NTM: variants seen among roughly 807,000 people sequenced by gnomAD.
NTM encodes the protein neurotrimin, also known as IgLON family member 2.
In NTM, 13 loss-of-function variants were observed where a neutral mutation model predicts 42.1. That is an observed-to-expected ratio of 0.31 (90% CI 0.20 to 0.49). NTM has a LOEUF of 0.49. Ranked by LOEUF, NTM falls within the 20% of genes least tolerant of loss-of-function variation. NTM has a pLI of 0.99. For synonymous variants in NTM, 187 were observed against 179.2 expected (o/e 1.04, Z -0.35); for missense variants, 373 against 452.8 (o/e 0.82, Z 1.60).
At chr11:132,037,294 G>C (rs2076624766) in intron 2 of NTM, among the ~76,000 whole-genome samples, 1 of 152,058 alleles carries the variant, frequency 6.6e-6, no homozygotes, top group Admixed American at 6.6e-5. Context: ...TGTGATTTCT[G>C]CACATGCCGG....
At chr11:132,311,448 G>C (rs1396027926) in intron 6 of NTM, among the ~76,000 whole-genome samples, 1 of 152,098 alleles carries the variant, frequency 6.6e-6, no homozygotes, top group Non-Finnish European at 1.5e-5. Context: ...ACACAAAGGG[G>C]AAAAACAAAC....
intron 2 of NTM, among the ~76,000 whole-genome samples, chr11:132,018,505 AT>A (rs2135495553): frequency 6.6e-6 from 1 of 152,036 alleles, no homozygotes; most frequent in East Asian, 1.9e-4. Context: ...GCTTTAAAAA[AT>A]TTATTATATA....
intron 1 of NTM, among the ~76,000 whole-genome samples, chr11:131,388,607 A>T (rs146816192): frequency 2.0e-5 from 3 of 152,116 alleles, no homozygotes; most frequent in Admixed American, 2.0e-4. Context: ...TTTAATAGGA[A>T]TGTGTATGAG....
In NTM at chr11:131,434,043, C is replaced by T. The variant is rs189913362; in HGVS notation, c.82+63155C>T. Among the ~76,000 whole-genome samples the T allele has an allele frequency of 9.0e-4, 137 of 152,154 alleles. 1 individual carries two copies. The Middle Eastern group carries it at 0.02, about 23-fold the overall frequency. On this transcript the variant is annotated intron_variant, in intron 1 of 8. Coordinates refer to ENST00000683400, the MANE Select transcript of NTM (RefSeq NM_001352005.2). Reference sequence around the variant, plus strand: ...GTTCCCACCTATGAGTGAGAACATGCGGTGTTTGGTTTTCTGTCCTTGTGA... The same window carrying T: ...GTTCCCACCTATGAGTGAGAACATGTGGTGTTTGGTTTTCTGTCCTTGTGA...
At chr11:131,529,038 C>G (rs2050882065) in intron 1 of NTM, among the ~76,000 whole-genome samples, 1 of 152,236 alleles carries the variant, frequency 6.6e-6, no homozygotes, top group South Asian at 2.1e-4. Context: ...AGTATCGCTT[C>G]AGCACACTTC....
intron 2 of NTM, among the ~76,000 whole-genome samples, chr11:132,045,136 C>T (rs2077809383): frequency 6.6e-6 from 1 of 152,132 alleles, no homozygotes; most frequent in Non-Finnish European, 1.5e-5. Context: ...TCAGTAACAG[C>T]GTTAGTGTTT....
At chr11:131,797,073 A>T (rs1372992119) in intron 1 of NTM, among the ~76,000 whole-genome samples, 1 of 152,250 alleles carries the variant, frequency 6.6e-6, no homozygotes, top group Non-Finnish European at 1.5e-5. Context: ...TTCTAATTTA[A>T]TGCTTTTTAG....
At chr11:131,402,408 A>C (rs1027167814) in intron 1 of NTM, among the ~76,000 whole-genome samples, 20 of 151,758 alleles carry the variant, frequency 1.3e-4, no homozygotes, top group Admixed American at 7.9e-4. Context: ...AAAAAAAAAA[A>C]ACAAATATTG....
At chr11:131,757,452 A>G (rs138256500) in intron 1 of NTM, among the ~76,000 whole-genome samples, 15 of 152,298 alleles carry the variant, frequency 9.8e-5, no homozygotes, top group African/African-American at 3.1e-4. Flanking sequence ...GTCACCCTAA[A>G]TAGGACTGAT....
intron 1 of NTM, among the ~76,000 whole-genome samples, chr11:131,421,520 A>C (rs1011402): frequency 6.6e-6 from 1 of 152,054 alleles, no homozygotes; most frequent in Non-Finnish European, 1.5e-5. Context: ...AAAGGCATCC[A>C]GGAACAGGGG....
chr11:132,215,463 G>A (rs2083649834), intron 4 of NTM, among the ~76,000 whole-genome samples: 1 of 152,066 alleles, frequency 6.6e-6, no homozygotes, highest in Non-Finnish European at 1.5e-5. Flanking sequence ...TGTGTGGAAA[G>A]GAGTACAGAA....
intron 2 of NTM, among the ~76,000 whole-genome samples, chr11:131,932,434 A>G (rs976050760): frequency 1.1e-4 from 16 of 152,216 alleles, no homozygotes; most frequent in African/African-American, 3.6e-4. Context: ...GTTTATTGCA[A>G]TATATGCTTT....
At chr11:131,413,915 C>G (rs1390058600) in intron 1 of NTM, among the ~76,000 whole-genome samples, 1 of 152,046 alleles carries the variant, frequency 6.6e-6, no homozygotes, top group Non-Finnish European at 1.5e-5. Context: ...GAGGACAAGG[C>G]CTCCTGTGGC....
intron 1 of NTM, among the ~76,000 whole-genome samples, chr11:131,733,463 T>TTCCTTCTTTCC (rs2079960846): frequency 8.9e-6 from 1 of 112,614 alleles, no homozygotes; most frequent in African/African-American, 3.7e-5. Context: ...TCCTTCCTTC[T>TTCCTTCTTTCC]TTCCTTCCTT....
At chr11:131,621,590 A>T (rs2062546800) in intron 1 of NTM, among the ~76,000 whole-genome samples, 1 of 143,266 alleles carries the variant, frequency 7.0e-6, no homozygotes, top group Admixed American at 7.5e-5. Context: ...GCTTGAGTCC[A>T]GGAGTTCAAG....
intron 1 of NTM, among the ~76,000 whole-genome samples, chr11:131,882,539 T>C (rs1462705029): frequency 1.3e-5 from 2 of 152,162 alleles, no homozygotes; most frequent in East Asian, 1.9e-4. Flanking sequence ...TGTGGACACA[T>C]AAAATTAACC....
intron 2 of NTM, among the ~76,000 whole-genome samples, chr11:131,982,773 A>G (rs888099590): frequency 3.9e-5 from 6 of 152,242 alleles, no homozygotes; most frequent in African/African-American, 1.4e-4. Context: ...GGACCCTATT[A>G]AAACCTTTCC....
intron 1 of NTM, among the ~76,000 whole-genome samples, chr11:131,497,476 C>T (rs536138492): frequency 1.2e-4 from 18 of 151,448 alleles, no homozygotes; most frequent in Middle Eastern, 3.4e-3. Flanking sequence ...CTTGAGCCAC[C>T]GTGCCTAGCC....
intron 3 of NTM, among the ~76,000 whole-genome samples, chr11:132,161,114 C>T (rs1456538504): frequency 6.6e-6 from 1 of 152,106 alleles, no homozygotes; most frequent in Non-Finnish European, 1.5e-5. Flanking sequence ...GGGATCCCCC[C>T]TTCCTTCTTG....
Sources: allele counts gnomAD v4.1 joint callset (sites outside exome capture counted in the v4.1 genomes callset), GRCh38; gene constraint gnomAD v4.1.1; transcripts MANE v1.5; gene names NCBI Gene and HGNC (gene_info 2026-07-23, HGNC 2026-07-21).